THSD4: variants seen among roughly 807,000 people sequenced by gnomAD.
THSD4 encodes thrombospondin type-1 domain-containing protein 4.
A neutral mutation model predicts 119.0 loss-of-function variants in THSD4; 69 were observed. That is an observed-to-expected ratio of 0.58 (90% CI 0.48 to 0.71). The LOEUF is 0.71. Among genes scored for constraint, THSD4 ranks in the 30% least tolerant of loss-of-function variants. The pLI is 0.00. For synonymous variants in THSD4, 524 were observed against 540.4 expected (o/e 0.97, Z 0.42); for missense variants, 1,393 against 1,391.1 (o/e 1.00, Z -0.02).
chr15:71,768,595 C>G (rs1311579498), intron 16 of THSD4, among the ~76,000 whole-genome samples: 2 of 107,788 alleles, frequency 1.9e-5, no homozygotes, highest in East Asian at 5.4e-4. Context: ...GAGACAAAGT[C>G]TCACTCTTGC....
chr15:71,425,754 A>G lies in THSD4; in HGVS notation c.1152+13931A>G, dbSNP rs578158724. 6.2e-4 allele frequency among the ~76,000 whole-genome samples: 94 copies of G among 152,348 alleles called. 1 individual carries two copies. The South Asian group carries it at 0.011, about 18-fold the overall frequency. ...AATGAAAGAAGGTACTTGGTACTCA[A>G]TATGTTGAATTTCAGCAAATGAAGT... is the stretch of plus-strand genomic sequence containing the variant. On this transcript the variant is annotated intron_variant, in intron 7 of 17. Transcript: ENST00000261862.
intron 7 of THSD4, among the ~76,000 whole-genome samples, chr15:71,598,149 A>G (rs975580478): frequency 3.9e-5 from 6 of 152,148 alleles, no homozygotes; most frequent in African/African-American, 1.4e-4. Context: ...GGGTTAGGAA[A>G]GGCTTCGCCG....
intron 1 of THSD4, among the ~76,000 whole-genome samples, chr15:71,139,113 A>G (rs1440739347): frequency 1.3e-5 from 2 of 152,028 alleles, no homozygotes; most frequent in African/African-American, 2.4e-5. Context: ...TTGATTTACT[A>G]TCTCATTAGG....
intron 4 of THSD4, among the ~76,000 whole-genome samples, chr15:71,220,701 C>T (rs1482918704): frequency 6.6e-6 from 1 of 152,160 alleles, no homozygotes; most frequent in Non-Finnish European, 1.5e-5. Flanking sequence ...CCAGTTAGAA[C>T]TCAAGTGCAG....
intron 6 of THSD4, among the ~76,000 whole-genome samples, chr15:71,386,913 G>C (rs1204896732): frequency 6.6e-6 from 1 of 152,146 alleles, no homozygotes; most frequent in Non-Finnish European, 1.5e-5. Flanking sequence ...TTTGTGTTTG[G>C]AAACAGAACA....
chr15:71,297,487 C>G (rs1327914989), intron 6 of THSD4, among the ~76,000 whole-genome samples: 5 of 152,020 alleles, frequency 3.3e-5, no homozygotes, highest in Non-Finnish European at 7.4e-5. Flanking sequence ...AGGCACGTGC[C>G]CCCATGCCTG....
intron 7 of THSD4, among the ~76,000 whole-genome samples, chr15:71,581,941 G>A (rs1339033204): frequency 6.6e-6 from 1 of 152,116 alleles, no homozygotes; most frequent in South Asian, 2.1e-4. Context: ...AAACCAGAAA[G>A]TGTGATACTT....
At chr15:71,517,312 C>G (rs2048375282) in intron 7 of THSD4, among the ~76,000 whole-genome samples, 1 of 152,168 alleles carries the variant, frequency 6.6e-6, no homozygotes, top group Admixed American at 6.5e-5. Flanking sequence ...CTCCCCTTCT[C>G]TCCTTCCCAG....
chr15:71,199,724 T>TG (rs1406056821), intron 3 of THSD4, among the ~76,000 whole-genome samples: 2 of 127,790 alleles, frequency 1.6e-5, no homozygotes, highest in African/African-American at 5.9e-5. Flanking sequence ...GGTGTGTGTG[T>TG]GTAGTGTGTG....
At chr15:71,624,947 G>A (rs1318636096) in intron 7 of THSD4, among the ~76,000 whole-genome samples, 1 of 152,126 alleles carries the variant, frequency 6.6e-6, no homozygotes, top group Non-Finnish European at 1.5e-5. Context: ...ATGGGATCCA[G>A]GCATACTTAT....
intron 7 of THSD4, among the ~76,000 whole-genome samples, chr15:71,535,528 C>T (rs1285203748): frequency 6.6e-6 from 1 of 152,160 alleles, no homozygotes; most frequent in Non-Finnish European, 1.5e-5. Context: ...CTACATTTAA[C>T]TTTTTGATAC....
chr15:71,701,958 T>C (rs2052298533), intron 8 of THSD4, among the ~76,000 whole-genome samples: 2 of 152,200 alleles, frequency 1.3e-5, no homozygotes, highest in Non-Finnish European at 2.9e-5. Context: ...AAAATAAAAC[T>C]GCCAGAGGTA....
In THSD4 at chr15:71,215,222, C is replaced by T. The variant is rs1412126466; in HGVS notation, c.287C>T (p.Pro96Leu). Residue 96 changes from proline (P) to leucine (L), a missense_variant, in exon 4 of 18, where the codon CCT (proline) becomes CTT (leucine). Physicochemically the swap from Pro to Leu is moderately conservative, Grantham distance 98. Coordinates refer to ENST00000261862, the MANE Select transcript of THSD4 (RefSeq NM_024817.3). ...CGCGGCGGCCAGCGGCCTGGCGCCCCTGCGCGCGCCTTCGCGGACCACGTG... is the reference window on the plus strand; with the variant it reads ...CGCGGCGGCCAGCGGCCTGGCGCCCTTGCGCGCGCCTTCGCGGACCACGTG... ...RLRGGQRPGA[P>L]ARAFADHVVS... The T allele has an allele frequency of 4.3e-6, 6 of 1,399,868 alleles. No homozygotes were observed. In the South Asian group the frequency reaches 4.6e-5, roughly 11 times the overall value. 86.7% of individuals were successfully genotyped at this position (1,399,868 alleles called of 1,614,324 possible). A position where few individuals can be genotyped will look rare whatever the true frequency, so the allele number is the denominator to read the frequency against.
At chr15:71,754,193 G>A (rs537346959) in intron 14 of THSD4, among the ~76,000 whole-genome samples, 9 of 149,938 alleles carry the variant, frequency 6.0e-5, no homozygotes, top group South Asian at 2.1e-4. Flanking sequence ...GGGTTCAAGC[G>A]ATTCTTCTGT....
upstream of THSD4, chr15:71,112,319 T>G: frequency 7.7e-4 from 720 of 937,504 alleles, no homozygotes; most frequent in Non-Finnish European, 1.0e-3. Flanking sequence ...TGAAGGGGGG[T>G]ACTATTAATA....
chr15:71,319,959 G>A lies in THSD4; in HGVS notation c.1015+63244G>A, dbSNP rs113568280. Among the ~76,000 whole-genome samples, 1,458 of 152,216 alleles carry A rather than the reference G, an allele frequency of 9.6e-3. 8 individuals are homozygous for A. The highest frequency in any genetic ancestry group is 0.017 in the Middle Eastern group (5 of 294). On this transcript the variant is annotated intron_variant, in intron 6 of 17. Transcript: ENST00000261862. Reference sequence around the variant, plus strand: ...ATGAATTATAAATCTTTAAAAGGACGGTATGGTAACTAGACTCCAGCAAAA... The same window carrying A: ...ATGAATTATAAATCTTTAAAAGGACAGTATGGTAACTAGACTCCAGCAAAA...
At chr15:71,216,729 C>T (rs550459330) in intron 4 of THSD4, among the ~76,000 whole-genome samples, 1 of 152,352 alleles carries the variant, frequency 6.6e-6, no homozygotes, top group Admixed American at 6.5e-5. Flanking sequence ...CGGTCTGCTC[C>T]TAAAGCCGAA....
chr15:71,158,702 A>G (rs2043225299), intron 3 of THSD4, among the ~76,000 whole-genome samples: 1 of 150,344 alleles, frequency 6.7e-6, no homozygotes, highest in South Asian at 2.1e-4. Flanking sequence ...TATTCTGGAT[A>G]TTAGCCCCTT....
Position 71,135,346 on chromosome 15 carries a change from T to C in THSD4, c.-79-6103T>C, listed in dbSNP as rs1401601904. Among the ~76,000 whole-genome samples the C allele has an allele frequency of 1.2e-4, 13 of 105,772 alleles. 1 individual carries two copies. Among genetic ancestry groups the C allele is most frequent in the African/African-American group, 5.2e-4 (13 of 25,030 alleles). 69.4% of individuals were successfully genotyped at this position (105,772 alleles called of 152,430 possible). A position where few individuals can be genotyped will look rare whatever the true frequency, so the allele number is the denominator to read the frequency against. ...ACCTGCACAATGTGCACATGTACCC[T>C]AAAACTTAAAGTATAATAAAAAAAA... On this transcript the variant is annotated intron_variant, in intron 1 of 17. Transcript: ENST00000261862.
Sources: allele counts gnomAD v4.1 joint callset (sites outside exome capture counted in the v4.1 genomes callset), GRCh38; gene constraint gnomAD v4.1.1; transcripts MANE v1.5; gene names NCBI Gene and HGNC (gene_info 2026-07-23, HGNC 2026-07-21).